Variants in OTOG observed in about 807,000 individuals in gnomAD.
OTOG encodes otogelin.
In OTOG, 296 loss-of-function variants were observed where a neutral mutation model predicts 313.8. The ratio of observed to expected loss-of-function variants is 0.94; its 90% CI spans 0.86 to 1.04. The LOEUF (loss-of-function observed/expected upper bound fraction) is 1.04. Among genes scored for constraint, OTOG ranks in the 50% least tolerant of loss-of-function variants. The pLI, the probability that OTOG is intolerant of heterozygous loss-of-function variation, is 0.00. For missense variants in OTOG, 3,948 were observed against 3,840.1 expected (o/e 1.03, Z -0.74); for synonymous variants, 1,533 against 1,554.9 (o/e 0.99, Z 0.33).
intron 43 of OTOG, 83 bp from the exon 44 acceptor site, chr11:17,633,986 C>A: frequency 2.7e-6 from 4 of 1,484,548 alleles, no homozygotes; most frequent in Non-Finnish European, 2.7e-6. Flanking sequence ...TTAGGGGTGG[C>A]CAGTAAACCA....
chr11:17,613,550 C>T, intron 38 of OTOG, 62 bp from the exon 39 acceptor site: 2 of 1,389,050 alleles, frequency 1.4e-6, no homozygotes, highest in African/African-American at 1.4e-5. Flanking sequence ...GCTGTGCCCA[C>T]TCACTTGGAG....
intron 39 of OTOG, among the ~76,000 whole-genome samples, chr11:17,618,568 T>C (rs1196081303): frequency 4.6e-5 from 7 of 152,372 alleles, no homozygotes; most frequent in African/African-American, 1.7e-4. Flanking sequence ...TTAGGTCAAA[T>C]TGGCTGATAG....
At position 17,558,628 on chromosome 11, in the gene OTOG, A is replaced by G; in HGVS notation, c.1087A>G (p.Thr363Ala). The G allele has an allele frequency of 6.5e-7, 1 of 1,549,876 alleles. No homozygotes were observed. Among genetic ancestry groups the G allele is most frequent in the South Asian group, 1.2e-5 (1 of 84,058 alleles). Residue 363 changes from threonine to alanine, a missense_variant, in exon 10 of 56, where the codon ACC (threonine) becomes GCC (alanine). Thr to Ala is a moderately conservative substitution (Grantham distance 58). Transcript: ENST00000399397. ...VSPLPFTASC[T>A]SDLCQSMGDV... is the part of the protein sequence containing the mutation. The stretch of plus-strand genomic sequence containing the variant: ...CCCTCTGCCCTTCACAGCCAGTTGT[A>G]CCAGTGATCTCTGCCAGTGAGTAGG...
At chr11:17,600,345 G>T (rs952538269) in intron 31 of OTOG, among the ~76,000 whole-genome samples, 1 of 152,222 alleles carries the variant, frequency 6.6e-6, no homozygotes, top group African/African-American at 2.4e-5. Flanking sequence ...ACTTCATCCA[G>T]TTGGGCCAGG....
At chr11:17,556,671 T>C (rs1157717342) in intron 7 of OTOG, among the ~76,000 whole-genome samples, 3 of 152,168 alleles carry the variant, frequency 2.0e-5, no homozygotes, top group Non-Finnish European at 2.9e-5. Context: ...TTTTGCTGGG[T>C]TCAAGGTTGC....
rs1323697387 is a variant in OTOG, at chr11:17,606,032, G to A, written c.4053G>A (p.Leu1351=). ...CAGGCCTGGTGGCCCTGGAGTCCCT[G>A]GCCAAGCCCAGCTCCTTCCTCTATG... ...RQAGLVALES[L]AKPSSFLYVS... Residue 1351 remains leucine, a synonymous_variant, in exon 33 of 56, where the codon CTG becomes CTA. Coordinates refer to ENST00000399397, the MANE Select transcript of OTOG (RefSeq NM_001292063.2). 6.4e-7 allele frequency: 1 copy of A among 1,550,554 alleles called. No homozygotes were observed. The highest frequency in any genetic ancestry group is 8.7e-7 in the Non-Finnish European group (1 of 1,146,992).
chr11:17,608,317 C>T lies in OTOG; in HGVS notation c.4178C>T (p.Ala1393Val). The change falls in exon 34 of 56, where the codon GCC becomes GTC. Residue 1393 changes from alanine to valine, a missense_variant. Coordinates refer to ENST00000399397, the MANE Select transcript of OTOG (RefSeq NM_001292063.2). Reference protein sequence around the residue: ...RLLDAKPSGAAYPICEWRYDA... With the variant: ...RLLDAKPSGAVYPICEWRYDA... ...CTAGATGCCAAGCCCTCGGGGGCTG[C>T]CTACCCCATCTGCGAGTGGCGCTAC... The T allele has an allele frequency of 6.5e-7, 1 of 1,543,456 alleles. No homozygotes were observed. The highest frequency in any genetic ancestry group is 8.7e-7 in the Non-Finnish European group (1 of 1,143,976).
In OTOG at chr11:17,590,204, T is replaced by C. The variant is rs114340394; in HGVS notation, c.2868-1246T>C. Among the ~76,000 whole-genome samples the C allele has an allele frequency of 2.8e-3, 434 of 152,286 alleles. 2 individuals are homozygous for C. The highest frequency in any genetic ancestry group is 9.7e-3 in the African/African-American group (405 of 41,550). ...CACACATCCAACTGCCTACTTGACA[T>C]CACCATACGTATGTCTAATGGAGGT... On this transcript the variant is annotated intron_variant, in intron 24 of 55. Coordinates refer to ENST00000399397, the MANE Select transcript of OTOG (RefSeq NM_001292063.2).
At chr11:17,594,216 TG>T in intron 28 of OTOG, 50 bp downstream of exon 28, 1 of 1,548,908 alleles carries the variant, frequency 6.5e-7, no homozygotes, top group Non-Finnish European at 8.7e-7. Context: ...AGATGGGCGC[TG>T]CCAGCACTGA....
intron 23 of OTOG, among the ~76,000 whole-genome samples, chr11:17,583,081 G>GT (rs1040003131): frequency 1.7e-4 from 25 of 151,448 alleles, no homozygotes; most frequent in African/African-American, 5.8e-4. Flanking sequence ...ATTCTCCTAT[G>GT]TTTTTTTCTA....
rs149830949 is a variant in OTOG, at chr11:17,646,031, G to A, written c.*87G>A. 7.4e-7 allele frequency: 1 copy of A among 1,357,492 alleles called. No homozygotes were observed. The highest frequency in any genetic ancestry group is 1.0e-6 in the Non-Finnish European group (1 of 989,102). 84.1% of individuals were successfully genotyped at this position (1,357,492 alleles called of 1,614,324 possible). A position where few individuals can be genotyped will look rare whatever the true frequency, so the allele number is the denominator to read the frequency against. On this transcript the variant is annotated 3_prime_UTR_variant, in exon 56 of 56. Transcript: ENST00000399397. ...CCCAATGTGAATGGGGGTATTAAAG[G>A]TGGTAGAAATCTGGCACGTGTTGAG...
At chr11:17,570,436 C>T (rs764334780) in intron 17 of OTOG, 46 bp downstream of exon 17, 8 of 1,536,820 alleles carry the variant, frequency 5.2e-6, no homozygotes, top group Admixed American at 4.0e-5. Flanking sequence ...GAAATGGGCC[C>T]CTTAGGGCTG....
At chr11:17,570,668 A>G (rs892615056) in intron 17 of OTOG, 1 of 304,388 alleles carries the variant, frequency 3.3e-6, no homozygotes, top group Non-Finnish European at 6.1e-6. Flanking sequence ...CCTATTTTTG[A>G]TAAGCACCTC....
At chr11:17,642,960 G>T (rs1318739683) in intron 53 of OTOG, among the ~76,000 whole-genome samples, 2 of 152,138 alleles carry the variant, frequency 1.3e-5, no homozygotes, top group African/African-American at 4.8e-5. Flanking sequence ...ACACACTTAT[G>T]TACAAAGAAC....
intron 46 of OTOG, 92 bp downstream of exon 46, chr11:17,635,279 T>A (rs1854237796): frequency 9.4e-7 from 1 of 1,061,334 alleles, no homozygotes; most frequent in African/African-American, 1.6e-5. Context: ...GAGGAAAGGC[T>A]GGGGGTCTTC....
At chr11:17,613,195 T>TTTCTTTCTTTTCTTTCTTTCTTTC in intron 38 of OTOG, among the ~76,000 whole-genome samples, 1 of 65,368 alleles carries the variant, frequency 1.5e-5, no homozygotes, top group African/African-American at 7.6e-5. Context: ...TCTTTCTTTC[T>TTTCTTTCTTTTCTTTCTTTCTTTC]TTTCTTTCTT....
chr11:17,609,252 A>G (rs1388517686), intron 35 of OTOG, 43 bp downstream of exon 35: 1 of 1,517,292 alleles, frequency 6.6e-7, no homozygotes, highest in East Asian at 2.5e-5. Context: ...GATTTCCTCT[A>G]AGTCCCTAGG....
chr11:17,635,481 T>C, intron 46 of OTOG, 129 bp from the exon 47 acceptor site: 1 of 718,314 alleles, frequency 1.4e-6, no homozygotes, highest in Non-Finnish European at 2.4e-6. Flanking sequence ...CGTGAGACCA[T>C]GCGATGCTGC....
At chr11:17,576,422 T>C (rs1345285060) in intron 20 of OTOG, 134 bp from the exon 21 acceptor site, 4 of 706,054 alleles carry the variant, frequency 5.7e-6, no homozygotes, top group Non-Finnish European at 1.0e-5. Flanking sequence ...ATGTGTCACA[T>C]GTCACTGTAG....
Sources: gnomAD v4.1 joint callset for allele counts (sites outside exome capture counted in the v4.1 genomes callset) on GRCh38, gnomAD v4.1.1 for gene constraint, MANE v1.5 for transcripts, NCBI Gene and HGNC (gene_info 2026-07-23, HGNC 2026-07-21) for gene names.